The following TMEM243 variants were observed in gnomAD, a reference collection of about 807,000 sequenced individuals.
The protein encoded by TMEM243 is MDR1 and mitochondrial taxol resistance associated.
In TMEM243, 20 loss-of-function variants were observed where a neutral mutation model predicts 15.0. The ratio of observed to expected loss-of-function variants is 1.33; its 90% CI spans 0.94 to 1.93. TMEM243 has a LOEUF of 1.93. Among genes scored for constraint, TMEM243 ranks in the 30% most tolerant of loss-of-function variants. TMEM243 has a pLI of 0.00. For missense variants in TMEM243, 156 were observed against 142.1 expected, an observed-to-expected ratio of 1.10 and a Z score of -0.50; for synonymous variants, 72 against 52.7, an observed-to-expected ratio of 1.37 and a Z score of -1.59.
In TMEM243 at chr7:87,197,298, TAACTC is replaced by T. The variant is rs1008656257; in HGVS notation, c.235-545_235-541del. 1.4e-3 allele frequency among the ~76,000 whole-genome samples: 220 copies of T among 152,116 alleles called. 2 individuals are homozygous for T. Among genetic ancestry groups the T allele is most frequent in the African/African-American group, 4.9e-3 (203 of 41,516 alleles). On this transcript the variant is annotated intron_variant, in intron 3 of 3. Transcript: ENST00000257637. ...AGGTGTCTCCTGGTTTAATTAATTTTAACTCAGATAAGCAAATTACTATTGTTTTT... is the reference window on the plus strand; with the variant it reads ...AGGTGTCTCCTGGTTTAATTAATTTTAGATAAGCAAATTACTATTGTTTTT...
At chr7:87,211,178 G>A (rs999752988) in intron 1 of TMEM243, among the ~76,000 whole-genome samples, 2 of 152,154 alleles carry the variant, frequency 1.3e-5, no homozygotes, top group African/African-American at 4.8e-5. Flanking sequence ...TCATTATTGG[G>A]CCACCAGAAA....
In TMEM243 at chr7:87,198,180, A is replaced by G; in HGVS notation, c.130-135T>C. 4.6e-6 allele frequency: 3 copies of G among 654,646 alleles called. No individual in the cohort carries two copies. In the South Asian group the frequency reaches 6.1e-5, roughly 13 times the overall value. The allele number at this position is 654,646 out of a possible 1,614,324, so 40.6% of individuals were successfully genotyped here. A position where few individuals can be genotyped will look rare whatever the true frequency, so the allele number is the denominator to read the frequency against. On this transcript the variant is annotated intron_variant, in intron 2 of 3. Transcript: ENST00000257637. ...ATCTGCCACCAAGTTTGCTTTCTAG[A>G]ATGTTAATACAGTAATTATAAATAT...
chr7:87,202,963 C>CT (rs1426400501), intron 1 of TMEM243: 1 of 152,256 alleles, frequency 6.6e-6, no homozygotes, highest in Non-Finnish European at 1.5e-5. Flanking sequence ...CCTATACTTG[C>CT]CTGGTCAGTC....
At chr7:87,205,074 C>T (rs893482583) in intron 1 of TMEM243, among the ~76,000 whole-genome samples, 2 of 152,240 alleles carry the variant, frequency 1.3e-5, no homozygotes, top group African/African-American at 4.8e-5. Flanking sequence ...AAGTCATGCC[C>T]TGAGCTGTAC....
intron 1 of TMEM243, among the ~76,000 whole-genome samples, chr7:87,207,657 C>T (rs954422986): frequency 6.6e-6 from 1 of 152,216 alleles, no homozygotes; most frequent in Admixed American, 6.5e-5. Flanking sequence ...TTCCCTACTA[C>T]ATTCTTGAGG....
In TMEM243 at chr7:87,196,678, C is replaced by A. The variant is rs771744709; in HGVS notation, c.315G>T (p.Leu105Phe). The A allele has an allele frequency of 2.5e-6, 4 of 1,610,374 alleles. No individual in the cohort carries two copies. The highest frequency in any genetic ancestry group is 2.5e-6 in the Non-Finnish European group (3 of 1,178,252). Residue 105 changes from leucine to phenylalanine, a missense_variant, in exon 4 of 4, where the codon TTG becomes TTT. Physicochemically the swap from Leu to Phe is conservative, Grantham distance 22. Coordinates refer to ENST00000257637, the MANE Select transcript of TMEM243 (RefSeq NM_024315.4). ...GGAAGTACAGGTTTGCACATATACACAACATGATGATAGAAAATATGATAT... is the reference window on the plus strand; with the variant it reads ...GGAAGTACAGGTTTGCACATATACAAAACATGATGATAGAAAATATGATAT... ...IYYIIFSIIM[L>F]CICANLYFHD...
At chr7:87,214,691 A>G (rs1420083619) in intron 1 of TMEM243, among the ~76,000 whole-genome samples, 2 of 152,240 alleles carry the variant, frequency 1.3e-5, no homozygotes, top group African/African-American at 4.8e-5. Context: ...TGGAATCACC[A>G]TAACATTTCA....
In TMEM243 at chr7:87,219,650, G is replaced by A; in HGVS notation, c.-147C>T. 1.5e-6 allele frequency: 1 copy of A among 682,002 alleles called. No homozygotes were observed. Among genetic ancestry groups the A allele is most frequent in the Non-Finnish European group, 2.5e-6 (1 of 393,340 alleles). The allele number at this position is 682,002 out of a possible 1,614,324, so 42.2% of individuals were successfully genotyped here. A position where few individuals can be genotyped will look rare whatever the true frequency, so the allele number is the denominator to read the frequency against. ...CGGGGAAGCGCTGGCGCCAGGGATG[G>A]GTGGGGGCTCACACGCGGGGAACGC... On this transcript the variant is annotated 5_prime_UTR_variant, in exon 1 of 4. Coordinates refer to ENST00000257637, the MANE Select transcript of TMEM243 (RefSeq NM_024315.4).
At chr7:87,215,045 T>C (rs1803006995) in intron 1 of TMEM243, among the ~76,000 whole-genome samples, 1 of 152,246 alleles carries the variant, frequency 6.6e-6, no homozygotes, top group African/African-American at 2.4e-5. Context: ...ACATCGCCTG[T>C]ACTAGCCATA....
At chr7:87,212,441 A>G (rs1003659407) in intron 1 of TMEM243, among the ~76,000 whole-genome samples, 37 of 152,242 alleles carry the variant, frequency 2.4e-4, no homozygotes, top group Admixed American at 2.4e-3. Context: ...ATAAGAAAAA[A>G]GTGACTCAAT....
At position 87,209,620 on chromosome 7, in the gene TMEM243, G is replaced by C. The variant is rs528554714; in HGVS notation, c.78+9806C>G. 7.9e-3 allele frequency among the ~76,000 whole-genome samples: 1,135 copies of C among 143,392 alleles called. 33 individuals carry two copies. Among genetic ancestry groups the C allele is most frequent in the East Asian group, 0.019 (85 of 4,472 alleles). 94.1% of individuals were successfully genotyped at this position (143,392 alleles called of 152,430 possible). ...AGTGAGAGAGAGAGAGACAGAGAGA[G>C]AGACTGAGATAGAGAGCGAGAGAGA... On this transcript the variant is annotated intron_variant, in intron 1 of 3. Coordinates refer to ENST00000257637, the MANE Select transcript of TMEM243 (RefSeq NM_024315.4).
chr7:87,206,841 G>C (rs1802259990), intron 1 of TMEM243, among the ~76,000 whole-genome samples: 1 of 152,200 alleles, frequency 6.6e-6, no homozygotes, highest in African/African-American at 2.4e-5. Context: ...TTCGTTAAAT[G>C]AAAGACTCAA....
At chr7:87,214,223 C>G (rs544068307) in intron 1 of TMEM243, among the ~76,000 whole-genome samples, 4 of 152,170 alleles carry the variant, frequency 2.6e-5, no homozygotes, top group Admixed American at 6.5e-5. Context: ...CAGATGATAC[C>G]ACAGCCAGCT....
chr7:87,219,394 C>A lies in TMEM243; in HGVS notation c.78+32G>T, dbSNP rs190397324. The stretch of plus-strand genomic sequence containing the variant: ...GAGGGCAGGCAGCAGACACACCCCC[C>A]ATCCCAGTCTGGAGTCACAATCCGC... On this transcript the variant is annotated intron_variant, in intron 1 of 3. Coordinates refer to ENST00000257637, the MANE Select transcript of TMEM243 (RefSeq NM_024315.4). 6.8e-5 allele frequency: 110 copies of A among 1,607,422 alleles called. No homozygotes were observed. The East Asian group carries it at 7.6e-4, about 11-fold the overall frequency.
At chr7:87,196,779 T>C (rs745543726) in intron 3 of TMEM243, 21 bp from the exon 4 acceptor site, 1 of 1,490,972 alleles carries the variant, frequency 6.7e-7, no homozygotes, top group South Asian at 1.2e-5. Flanking sequence ...AATTAAAGTT[T>C]ATAAATTAAA....
chr7:87,200,009 A>C (rs1456542486), intron 1 of TMEM243, among the ~76,000 whole-genome samples: 3 of 152,218 alleles, frequency 2.0e-5, no homozygotes, highest in African/African-American at 4.8e-5. Flanking sequence ...ACATGCCGCC[A>C]ATAAACAAAA....
intron 1 of TMEM243, among the ~76,000 whole-genome samples, chr7:87,203,963 C>T (rs1039488519): frequency 1.2e-4 from 19 of 152,154 alleles, no homozygotes; most frequent in African/African-American, 4.6e-4. Flanking sequence ...TTAGTTTCCA[C>T]ACTGCTGATA....
At chr7:87,207,413 G>A (rs1802310051) in intron 1 of TMEM243, among the ~76,000 whole-genome samples, 1 of 12,536 alleles carries the variant, frequency 8.0e-5, no homozygotes, top group Admixed American at 6.1e-4. Flanking sequence ...GGCTAACACG[G>A]TGAAACCCCG....
At chr7:87,216,697 A>G (rs996385680) in intron 1 of TMEM243, 3 of 152,190 alleles carry the variant, frequency 2.0e-5, no homozygotes, top group Admixed American at 1.3e-4. Flanking sequence ...GTTATATATT[A>G]ATAGTCATTG....
Sources: allele counts gnomAD v4.1 joint callset (sites outside exome capture counted in the v4.1 genomes callset), GRCh38; gene constraint gnomAD v4.1.1; transcripts MANE v1.5; gene names NCBI Gene and HGNC (gene_info 2026-07-23, HGNC 2026-07-21).